MEIOB: variants seen among roughly 807,000 people sequenced by gnomAD.
The protein encoded by MEIOB is meiosis specific with OB-fold, also known as meiosis-specific with OB domain-containing protein.
Under a neutral mutation model 53.1 loss-of-function variants are expected in MEIOB, and 50 were observed. The observed-to-expected ratio is 0.94, with a 90% CI of 0.75 to 1.19. The LOEUF (loss-of-function observed/expected upper bound fraction) is 1.19. Among genes scored for constraint, MEIOB ranks in the 50% most tolerant of loss-of-function variants. The probability of loss-of-function intolerance (pLI) is 0.00; values close to 1 mark genes in which losing one functional copy is unlikely to be tolerated. For synonymous variants in MEIOB, 192 were observed against 182.5 expected, an observed-to-expected ratio of 1.05 and a Z score of -0.42; for missense variants, 551 against 550.8, an observed-to-expected ratio of 1.00 and a Z score of 0.00.
chr16:1,842,376 AGG>A (rs1898932401), intron 10 of MEIOB, among the ~76,000 whole-genome samples: 1 of 150,442 alleles, frequency 6.6e-6, no homozygotes, highest in Non-Finnish European at 1.5e-5. Flanking sequence ...GCAATTTGGG[AGG>A]TCGAGGTGGG....
chr16:1,834,304 T>A lies in MEIOB; in HGVS notation c.1368A>T (p.Ala456=), dbSNP rs749123856. The A allele has an allele frequency of 6.2e-7, 1 of 1,613,348 alleles. No homozygotes were observed. Among genetic ancestry groups the A allele is most frequent in the Non-Finnish European group, 8.5e-7 (1 of 1,179,384 alleles). Residue 456 remains alanine (A), a synonymous_variant, in exon 14 of 14, where the codon GCA becomes GCT. Coordinates refer to ENST00000325962, the MANE Select transcript of MEIOB (RefSeq NM_001163560.3). ...LKISVLSCKL[A]DPTEASRNLS... ...AGTTTCTGCTTGCCTCAGTAGGATCTGCAAGCTTGCACGAGAGTACACTAA... is the reference window on the plus strand; with the variant it reads ...AGTTTCTGCTTGCCTCAGTAGGATCAGCAAGCTTGCACGAGAGTACACTAA...
intron 13 of MEIOB, among the ~76,000 whole-genome samples, chr16:1,835,440 T>C (rs1898717281): frequency 6.6e-6 from 1 of 152,194 alleles, no homozygotes; most frequent in Non-Finnish European, 1.5e-5. Flanking sequence ...TACAGCACTT[T>C]AACCAACATT....
rs150101897 is a variant in MEIOB, at chr16:1,863,462, C to T, written c.128-1346G>A. 1.1e-3 allele frequency among the ~76,000 whole-genome samples: 160 copies of T among 151,932 alleles called. 1 individual carries two copies. The highest frequency in any genetic ancestry group is 3.5e-3 in the African/African-American group (147 of 41,446). On this transcript the variant is annotated intron_variant, in intron 3 of 13. Coordinates refer to ENST00000325962, the MANE Select transcript of MEIOB (RefSeq NM_001163560.3). ...AGTGCAATGGCGCGATCTCAGCTCA[C>T]AGCAACCTCTGCCTCCTGGGTTCAA... is the stretch of plus-strand genomic sequence containing the variant.
chr16:1,851,351 T>C (rs955011186), intron 9 of MEIOB, among the ~76,000 whole-genome samples: 2 of 152,210 alleles, frequency 1.3e-5, no homozygotes, highest in South Asian at 2.1e-4. Context: ...CACTCTCCCA[T>C]GCAGCGTGCC....
At chr16:1,858,010 C>T in intron 5 of MEIOB, 80 bp from the exon 6 acceptor site, 1 of 869,018 alleles carries the variant, frequency 1.2e-6, no homozygotes, top group Non-Finnish European at 1.7e-6. Flanking sequence ...ATTTAAACTA[C>T]ATTTTTCATT....
intron 7 of MEIOB, among the ~76,000 whole-genome samples, chr16:1,853,631 C>A (rs552342588): frequency 6.6e-6 from 1 of 152,300 alleles, no homozygotes; most frequent in African/African-American, 2.4e-5. Flanking sequence ...TGCTCAGGGG[C>A]CTTGATGGGT....
intron 1 of MEIOB, among the ~76,000 whole-genome samples, chr16:1,870,278 A>C (rs1351210123): frequency 6.6e-6 from 1 of 152,236 alleles, no homozygotes; most frequent in Admixed American, 6.5e-5. Context: ...TGAAAACCAT[A>C]AATATCAGAT....
chr16:1,866,860 C>A (rs74002727), intron 2 of MEIOB, among the ~76,000 whole-genome samples: 1 of 152,136 alleles, frequency 6.6e-6, no homozygotes, highest in South Asian at 2.1e-4. Flanking sequence ...TACAATCAGG[C>A]TTTTAAGACT....
chr16:1,841,321 A>G (rs530345190), intron 11 of MEIOB, among the ~76,000 whole-genome samples: 2 of 152,182 alleles, frequency 1.3e-5, no homozygotes, highest in Non-Finnish European at 2.9e-5. Flanking sequence ...CCCGGCCTGC[A>G]GTTTACTTTC....
chr16:1,861,872 T>G (rs1899452657), intron 4 of MEIOB, 113 bp downstream of exon 4: 1 of 1,127,670 alleles, frequency 8.9e-7, no homozygotes, highest in African/African-American at 1.6e-5. Context: ...TCTGATAAAG[T>G]TCTTGAGAAT....
chr16:1,863,354 G>T (rs945138375), intron 3 of MEIOB, among the ~76,000 whole-genome samples: 5 of 146,550 alleles, frequency 3.4e-5, no homozygotes, highest in Admixed American at 6.8e-5. Flanking sequence ...GCTAATTTTT[G>T]TTTTTTGTTT....
Position 1,857,902 on chromosome 16 carries a change from G to A in MEIOB, c.361C>T (p.His121Tyr). 1 of 1,550,042 alleles carries A rather than the reference G, an allele frequency of 6.5e-7. No homozygotes were observed. ...CTGGAACAAACTTTTACTGTTGAGT[G>A]ATTCTCACTGAGCAACAGTTTACAG... Reference protein sequence around the residue: ...SNCKLLLSENHSTVKVCSSYE... With the variant: ...SNCKLLLSENYSTVKVCSSYE... The change falls in exon 6 of 14, where the codon CAC (histidine) becomes TAC (tyrosine). Residue 121 changes from histidine to tyrosine, a missense_variant. His to Tyr is a moderately conservative substitution (Grantham distance 83). Transcript: ENST00000325962.
chr16:1,862,401 A>T (rs572704037), intron 3 of MEIOB, among the ~76,000 whole-genome samples: 2 of 152,144 alleles, frequency 1.3e-5, no homozygotes, highest in South Asian at 2.1e-4. Context: ...AGGGAAAAAC[A>T]TGTAAACTTG....
chr16:1,848,948 AG>A (rs1190574070), intron 9 of MEIOB, among the ~76,000 whole-genome samples: 2 of 152,054 alleles, frequency 1.3e-5, no homozygotes, highest in East Asian at 1.9e-4. Flanking sequence ...AGCACTTCTC[AG>A]GGGAGAGGGT....
chr16:1,841,754 TA>T, intron 11 of MEIOB, 65 bp downstream of exon 11: 1 of 1,249,174 alleles, frequency 8.0e-7, no homozygotes, highest in Non-Finnish European at 1.1e-6. Flanking sequence ...TTAGAGAGCT[TA>T]AAATTTATTA....
At position 1,844,605 on chromosome 16, in the gene MEIOB, G is replaced by T. The variant is rs1898986561; in HGVS notation, c.880+257C>A. ...GCCTCCTGAGCAGCTGGGATTACAG[G>T]CACATCCCATGATACCTGGCTAATT... On this transcript the variant is annotated intron_variant, in intron 10 of 13. Transcript: ENST00000325962. Among the ~76,000 whole-genome samples the T allele has an allele frequency of 2.0e-5, 3 of 151,490 alleles. No homozygotes were observed. The South Asian group carries it at 6.2e-4, about 31-fold the overall frequency.
intron 1 of MEIOB, among the ~76,000 whole-genome samples, chr16:1,869,803 A>C (rs1052288309): frequency 5.9e-5 from 9 of 152,116 alleles, no homozygotes; most frequent in African/African-American, 2.2e-4. Context: ...CTTACCTCAA[A>C]AAATACAGCA....
chr16:1,844,171 G>T (rs1596968163), intron 10 of MEIOB, among the ~76,000 whole-genome samples: 1 of 146,094 alleles, frequency 6.8e-6, no homozygotes, highest in East Asian at 2.0e-4. Context: ...TGCCCAGACT[G>T]GAGTACAGTG....
intron 6 of MEIOB, 38 bp downstream of exon 6, chr16:1,857,697 G>GT (rs1899340562): frequency 1.3e-6 from 2 of 1,507,692 alleles, no homozygotes; most frequent in Non-Finnish European, 1.8e-6. Flanking sequence ...CACCTCCCCT[G>GT]CCAGATTGCA....
Sources: gnomAD v4.1 joint callset for allele counts (sites outside exome capture counted in the v4.1 genomes callset) on GRCh38, gnomAD v4.1.1 for gene constraint, MANE v1.5 for transcripts, NCBI Gene and HGNC (gene_info 2026-07-23, HGNC 2026-07-21) for gene names.